The following THNSL1 variants were observed in gnomAD, a reference collection of about 807,000 sequenced individuals.
The protein encoded by THNSL1 is threonine synthase-like 1.
In THNSL1, 48 loss-of-function variants were observed where a neutral mutation model predicts 50.4. The ratio of observed to expected loss-of-function variants is 0.95; its 90% CI spans 0.76 to 1.21. THNSL1 has a LOEUF of 1.21. Ranked by LOEUF, THNSL1 falls within the 50% of genes most tolerant of loss-of-function variation. The pLI is 0.00. For synonymous variants in THNSL1, 309 were observed against 306.1 expected (o/e 1.01, Z -0.10); for missense variants, 896 against 871.7 (o/e 1.03, Z -0.35).
At chr10:25,007,656 G>C in the THNSL1 span, among the ~76,000 whole-genome samples, 1 of 152,118 alleles carries the variant, frequency 6.6e-6, no homozygotes, top group Non-Finnish European at 1.5e-5. Flanking sequence ...GGATGTTCTC[G>C]ATCTCCTGAC....
the THNSL1 span, among the ~76,000 whole-genome samples, chr10:24,956,461 A>ATT: frequency 8.0e-4 from 84 of 105,216 alleles, no homozygotes; most frequent in African/African-American, 3.2e-3. Context: ...TCTGCATTTT[A>ATT]TTTATTTTTT....
the THNSL1 span, among the ~76,000 whole-genome samples, chr10:24,956,015 C>T: frequency 3.9e-5 from 6 of 151,984 alleles, no homozygotes; most frequent in Middle Eastern, 3.4e-3. Flanking sequence ...AGTTATAGTC[C>T]AGGGATAGTC....
the THNSL1 span, among the ~76,000 whole-genome samples, chr10:24,962,653 CT>C: frequency 6.6e-6 from 1 of 152,174 alleles, no homozygotes; most frequent in Non-Finnish European, 1.5e-5. Flanking sequence ...GAATTTGGCA[CT>C]TGGTTTGAAG....
the THNSL1 span, among the ~76,000 whole-genome samples, chr10:24,999,712 T>C: frequency 6.6e-6 from 1 of 152,338 alleles, no homozygotes; most frequent in South Asian, 2.1e-4. Flanking sequence ...CAGACTTAGA[T>C]AAACTAGATG....
the THNSL1 span, among the ~76,000 whole-genome samples, chr10:24,978,075 C>T: frequency 2.6e-5 from 4 of 152,184 alleles, no homozygotes; most frequent in Admixed American, 2.0e-4. Context: ...GCTATATCTG[C>T]GTGTGCAGTT....
the THNSL1 span, among the ~76,000 whole-genome samples, chr10:25,003,585 T>C: frequency 2.0e-5 from 3 of 152,338 alleles, no homozygotes; most frequent in East Asian, 1.9e-4. Context: ...ACATAAATCT[T>C]ATTCTTTCTG....
the THNSL1 span, among the ~76,000 whole-genome samples, chr10:24,993,505 T>C: frequency 5.3e-5 from 8 of 152,222 alleles, no homozygotes; most frequent in African/African-American, 1.9e-4. Context: ...TTTTCAGAAA[T>C]TGTTTCTCAT....
At chr10:24,957,524 A>G in the THNSL1 span, among the ~76,000 whole-genome samples, 1 of 152,114 alleles carries the variant, frequency 6.6e-6, no homozygotes, top group Non-Finnish European at 1.5e-5. Context: ...TCTGTTGCCC[A>G]GGCTGGAGTG....
At chr10:24,972,871 G>T in the THNSL1 span, among the ~76,000 whole-genome samples, 1 of 152,310 alleles carries the variant, frequency 6.6e-6, no homozygotes, top group Admixed American at 6.5e-5. Context: ...CCCCTTATCA[G>T]CAGGGAATAC....
the THNSL1 span, among the ~76,000 whole-genome samples, chr10:24,955,305 A>G: frequency 1.3e-5 from 2 of 152,240 alleles, no homozygotes; most frequent in Non-Finnish European, 2.9e-5. Flanking sequence ...ATTACAATTC[A>G]ACATGAGATT....
the THNSL1 span, chr10:24,984,382 G>GAAAAAA: frequency 1.1e-4 from 152 of 1,398,088 alleles, no homozygotes; most frequent in South Asian, 5.2e-4. Flanking sequence ...ATGCGCTGCA[G>GAAAAAA]AAAAAAAAAA....
At position 25,025,934 on chromosome 10, in the gene THNSL1, T is replaced by G. The variant is rs1850842349; in HGVS notation, c.*479T>G. On this transcript the variant is annotated 3_prime_UTR_variant, in exon 3 of 3. Transcript: ENST00000376356. ...TTGGGCCAGTGTTTTTTGTTTGTTTTTTGGTGCAGTTTCAGCTCACTGCAA... is the reference window on the plus strand; with the variant it reads ...TTGGGCCAGTGTTTTTTGTTTGTTTGTTGGTGCAGTTTCAGCTCACTGCAA... 2 of 162,026 alleles carry G rather than the reference T, an allele frequency of 1.2e-5. No individual in the cohort carries two copies. Among genetic ancestry groups the G allele is most frequent in the South Asian group, 2.1e-4 (1 of 4,858 alleles). 10.0% of individuals were successfully genotyped at this position (162,026 alleles called of 1,614,324 possible).
the THNSL1 span, among the ~76,000 whole-genome samples, chr10:24,969,769 T>C: frequency 6.6e-4 from 100 of 152,358 alleles, no homozygotes; most frequent in African/African-American, 2.3e-3. Flanking sequence ...TAACATTCCC[T>C]AAGGAAGTCT....
intron 1 of THNSL1, among the ~76,000 whole-genome samples, chr10:25,018,315 C>A (rs1223527798): frequency 6.6e-6 from 1 of 152,092 alleles, no homozygotes; most frequent in Non-Finnish European, 1.5e-5. Context: ...AATGACACTT[C>A]AAAAAAATGC....
the THNSL1 span, among the ~76,000 whole-genome samples, chr10:24,974,100 A>T: frequency 6.6e-6 from 1 of 152,188 alleles, no homozygotes; most frequent in Admixed American, 6.5e-5. Flanking sequence ...TTGAATAAGC[A>T]CAGTATGATA....
At chr10:25,008,400 T>TA in the THNSL1 span, among the ~76,000 whole-genome samples, 1 of 152,210 alleles carries the variant, frequency 6.6e-6, no homozygotes, top group Admixed American at 6.5e-5. Flanking sequence ...CCATGTCACC[T>TA]AAGAGTTCCT....
chr10:25,006,420 G>T, the THNSL1 span, among the ~76,000 whole-genome samples: 1 of 151,830 alleles, frequency 6.6e-6, no homozygotes, highest in Non-Finnish European at 1.5e-5. Flanking sequence ...CTTTGCTTTT[G>T]TCTTTGGACA....
At chr10:25,017,517 C>T (rs1358727502) in intron 1 of THNSL1, among the ~76,000 whole-genome samples, 2 of 151,852 alleles carry the variant, frequency 1.3e-5, no homozygotes, top group African/African-American at 2.4e-5. Context: ...ACACAATGGC[C>T]TGGTGAACCT....
chr10:24,993,934 AG>A, the THNSL1 span, among the ~76,000 whole-genome samples: 1 of 152,214 alleles, frequency 6.6e-6, no homozygotes, highest in Non-Finnish European at 1.5e-5. Flanking sequence ...AGTGGCTTTA[AG>A]AGCCATGAGA....
Sources: gnomAD v4.1 joint callset for allele counts (sites outside exome capture counted in the v4.1 genomes callset) on GRCh38, gnomAD v4.1.1 for gene constraint, MANE v1.5 for transcripts, NCBI Gene and HGNC (gene_info 2026-07-23, HGNC 2026-07-21) for gene names.